Variants in RNLS observed in about 807,000 individuals in gnomAD.
The protein encoded by RNLS is renalase.
A neutral mutation model predicts 39.8 loss-of-function variants in RNLS; 39 were observed. That is an observed-to-expected ratio of 0.98 (90% CI 0.76 to 1.28). The LOEUF (loss-of-function observed/expected upper bound fraction) is 1.28, where lower values mean the gene tolerates loss of function less well. Among genes scored for constraint, RNLS ranks in the 50% most tolerant of loss-of-function variants. RNLS has a pLI of 0.00. For missense variants in RNLS, 410 were observed against 413.3 expected (o/e 0.99, Z 0.07); for synonymous variants, 147 against 150.7 (o/e 0.98, Z 0.18).
the RNLS span, among the ~76,000 whole-genome samples, chr10:88,173,083 C>A: frequency 5.3e-5 from 8 of 151,860 alleles, no homozygotes; most frequent in African/African-American, 9.7e-5. Flanking sequence ...TGGTCTCGAT[C>A]TCCTGACCTT....
chr10:88,521,654 G>T (rs1846745293), intron 4 of RNLS, among the ~76,000 whole-genome samples: 1 of 152,014 alleles, frequency 6.6e-6, no homozygotes, highest in African/African-American at 2.4e-5. Flanking sequence ...AATGTACTAG[G>T]TTTAGGACAA....
intron 4 of RNLS, among the ~76,000 whole-genome samples, chr10:88,544,851 C>A (rs1848220124): frequency 1.3e-5 from 2 of 152,016 alleles, no homozygotes; most frequent in African/African-American, 4.8e-5. Flanking sequence ...TTTCATATAG[C>A]AGATAAAGGT....
chr10:88,259,675 A>G, the RNLS span, among the ~76,000 whole-genome samples: 2 of 152,196 alleles, frequency 1.3e-5, no homozygotes, highest in Non-Finnish European at 2.9e-5. Context: ...TTTTCCAAGT[A>G]TATGGGAGGA....
At chr10:88,431,982 G>GTTTATC (rs946246459) in intron 4 of RNLS, among the ~76,000 whole-genome samples, 1 of 151,712 alleles carries the variant, frequency 6.6e-6, no homozygotes, top group African/African-American at 2.4e-5. Flanking sequence ...GGGTCAAGTT[G>GTTTATC]ATTGATAGTG....
chr10:88,470,556 T>C (rs943023381), intron 4 of RNLS, among the ~76,000 whole-genome samples: 1 of 152,174 alleles, frequency 6.6e-6, no homozygotes, highest in Non-Finnish European at 1.5e-5. Context: ...CAAATGTACA[T>C]ATACACACAT....
At chr10:88,446,734 C>A (rs1842056601) in intron 4 of RNLS, among the ~76,000 whole-genome samples, 2 of 152,152 alleles carry the variant, frequency 1.3e-5, no homozygotes, top group African/African-American at 4.8e-5. Flanking sequence ...AGACCAATAT[C>A]CCTGATGAAC....
At chr10:88,551,906 T>C (rs926209082) in intron 4 of RNLS, among the ~76,000 whole-genome samples, 4 of 152,216 alleles carry the variant, frequency 2.6e-5, no homozygotes, top group African/African-American at 9.6e-5. Flanking sequence ...ACTCTAGTTC[T>C]AAATTCCCAT....
At chr10:88,179,351 G>A in the RNLS span, among the ~76,000 whole-genome samples, 1 of 152,332 alleles carries the variant, frequency 6.6e-6, no homozygotes, top group Non-Finnish European at 1.5e-5. Flanking sequence ...CTTGAAGCAG[G>A]AGGGTAGCAG....
intron 4 of RNLS, among the ~76,000 whole-genome samples, chr10:88,447,882 A>T (rs1200683115): frequency 3.3e-5 from 5 of 152,234 alleles, no homozygotes; most frequent in Admixed American, 6.5e-5. Context: ...ATCTTTGACA[A>T]ACCTGACAAA....
intron 4 of RNLS, among the ~76,000 whole-genome samples, chr10:88,540,990 C>CAA (rs34561003): frequency 0.42 from 55,038 of 131,552 alleles, 11,088 homozygotes; most frequent in African/African-American, 0.52. Context: ...TCCTTACTGC[C>CAA]AAAAAAAAAA....
At chr10:88,341,843 C>T (rs962788873) in intron 5 of RNLS, among the ~76,000 whole-genome samples, 8 of 152,090 alleles carry the variant, frequency 5.3e-5, no homozygotes, top group Admixed American at 1.3e-4. Flanking sequence ...TCATACTAAT[C>T]TGTGAGGTTT....
intron 4 of RNLS, among the ~76,000 whole-genome samples, chr10:88,402,760 C>T (rs1853012187): frequency 6.6e-6 from 1 of 151,922 alleles, no homozygotes; most frequent in Admixed American, 6.6e-5. Flanking sequence ...TGCACCGTTA[C>T]TGAGTAATCT....
chr10:88,247,262 G>C, the RNLS span, among the ~76,000 whole-genome samples: 2 of 152,152 alleles, frequency 1.3e-5, no homozygotes, highest in Non-Finnish European at 2.9e-5. Flanking sequence ...GCAACAGAGG[G>C]GGCTGGCCTC....
chr10:88,362,237 A>C (rs541742802), intron 5 of RNLS, among the ~76,000 whole-genome samples: 1 of 152,306 alleles, frequency 6.6e-6, no homozygotes, highest in East Asian at 1.9e-4. Context: ...CAAGAAACAA[A>C]TGAGAGATAC....
chr10:88,497,062 C>G (rs1845213824), intron 4 of RNLS, among the ~76,000 whole-genome samples: 1 of 151,954 alleles, frequency 6.6e-6, no homozygotes, highest in Non-Finnish European at 1.5e-5. Context: ...GAAGAATGAA[C>G]CTGATTGCTA....
intron 4 of RNLS, among the ~76,000 whole-genome samples, chr10:88,532,991 A>T (rs1455519514): frequency 6.6e-6 from 1 of 152,062 alleles, no homozygotes; most frequent in East Asian, 1.9e-4. Flanking sequence ...TGGTGCTGCA[A>T]AAGTCAAAAT....
chr10:88,300,944 C>T (rs1415934636), intron 6 of RNLS, among the ~76,000 whole-genome samples: 1 of 152,124 alleles, frequency 6.6e-6, no homozygotes, highest in Non-Finnish European at 1.5e-5. Flanking sequence ...GCATCTATGC[C>T]TATGTAATAA....
chr10:88,471,568 G>A (rs1389498375), intron 4 of RNLS, among the ~76,000 whole-genome samples: 1 of 152,150 alleles, frequency 6.6e-6, no homozygotes, highest in Non-Finnish European at 1.5e-5. Context: ...CTGTGGAGAG[G>A]TGTCACGAGT....
chr10:88,362,544 G>T lies in RNLS; in HGVS notation c.700+8C>A, dbSNP rs1435297606. 1.2e-6 allele frequency: 2 copies of T among 1,612,394 alleles called. No individual in the cohort carries two copies. Among genetic ancestry groups the T allele is most frequent in the East Asian group, 4.5e-5 (2 of 44,860 alleles). On this transcript the variant is annotated splice_region_variant and intron_variant, in intron 5 of 6. Transcript: ENST00000331772. ...GCTGTATTTAAGGGAAATAATAGGG[G>T]TACTGACCTATATTGCGCTTCTTAT...
Sources: gnomAD v4.1 joint callset for allele counts (sites outside exome capture counted in the v4.1 genomes callset) on GRCh38, gnomAD v4.1.1 for gene constraint, MANE v1.5 for transcripts, NCBI Gene and HGNC (gene_info 2026-07-23, HGNC 2026-07-21) for gene names.